The following ANKRD12 variants were observed in gnomAD, a reference collection of about 807,000 sequenced individuals.
ANKRD12 encodes the protein ankyrin repeat domain-containing protein 12.
In ANKRD12, 85 loss-of-function variants were observed where a neutral mutation model predicts 183.4. The observed-to-expected ratio is 0.46, with a 90% CI of 0.39 to 0.56. The LOEUF is 0.56. Among genes scored for constraint, ANKRD12 ranks in the 20% least tolerant of loss-of-function variants. The pLI, the probability that ANKRD12 is intolerant of heterozygous loss-of-function variation, is 0.00. For missense variants in ANKRD12, 2,405 were observed against 2,357.1 expected, an observed-to-expected ratio of 1.02 and a Z score of -0.42; for synonymous variants, 914 against 800.2, an observed-to-expected ratio of 1.14 and a Z score of -2.40.
intron 1 of ANKRD12, among the ~76,000 whole-genome samples, chr18:9,141,689 A>G (rs1444247876): frequency 1.2e-4 from 18 of 152,178 alleles, no homozygotes; most frequent in African/African-American, 4.1e-4. Flanking sequence ...TCTTTGGCCA[A>G]TTCCTTAACA....
At chr18:9,191,284 C>T (rs1328491986) in intron 2 of ANKRD12, among the ~76,000 whole-genome samples, 2 of 152,158 alleles carry the variant, frequency 1.3e-5, no homozygotes, top group African/African-American at 2.4e-5. Context: ...TTTGGTAATA[C>T]AGAAATTTCA....
intron 10 of ANKRD12, among the ~76,000 whole-genome samples, chr18:9,265,771 T>G (rs888074784): frequency 5.9e-5 from 9 of 152,148 alleles, no homozygotes; most frequent in Non-Finnish European, 1.0e-4. Flanking sequence ...GCTGGACGGA[T>G]AATGACTTTT....
At chr18:9,138,532 AC>A in intron 1 of ANKRD12, among the ~76,000 whole-genome samples, 1 of 150,240 alleles carries the variant, frequency 6.7e-6, no homozygotes, top group East Asian at 1.9e-4. Context: ...ACCAAAACAA[AC>A]AAACAAACAA....
At chr18:9,208,841 GT>G (rs762768009) in intron 5 of ANKRD12, 38 bp downstream of exon 5, 6 of 1,456,770 alleles carry the variant, frequency 4.1e-6, no homozygotes, top group Non-Finnish European at 5.5e-6. Context: ...TGTATCCCTA[GT>G]TTTCCTCAGG....
At chr18:9,167,532 G>A (rs1233283865) in intron 1 of ANKRD12, among the ~76,000 whole-genome samples, 1 of 152,156 alleles carries the variant, frequency 6.6e-6, no homozygotes, top group East Asian at 1.9e-4. Context: ...TGTTATTGGT[G>A]TTTAAGAATG....
chr18:9,168,562 G>T (rs937090228), intron 1 of ANKRD12, among the ~76,000 whole-genome samples: 1 of 151,862 alleles, frequency 6.6e-6, no homozygotes, highest in African/African-American at 2.4e-5. Context: ...GATCGGTGGT[G>T]GTATCCCCTT....
chr18:9,196,754 A>C (rs1479703984), intron 3 of ANKRD12, among the ~76,000 whole-genome samples: 2 of 152,186 alleles, frequency 1.3e-5, no homozygotes, highest in African/African-American at 4.8e-5. Context: ...ACATTTTTAA[A>C]CTTTGAAGAT....
intron 10 of ANKRD12, among the ~76,000 whole-genome samples, chr18:9,274,935 C>T (rs1025282422): frequency 2.6e-5 from 4 of 152,030 alleles, no homozygotes; most frequent in Admixed American, 2.0e-4. Flanking sequence ...GTAATCCCAG[C>T]GCTTTGGGAG....
At chr18:9,278,527 G>T (rs534914471) in intron 11 of ANKRD12, among the ~76,000 whole-genome samples, 1 of 152,190 alleles carries the variant, frequency 6.6e-6, no homozygotes, top group African/African-American at 2.4e-5. Flanking sequence ...GGCCAGGCAC[G>T]GTGGCTTACG....
At chr18:9,155,245 A>G (rs1265026741) in intron 1 of ANKRD12, among the ~76,000 whole-genome samples, 1 of 152,244 alleles carries the variant, frequency 6.6e-6, no homozygotes, top group African/African-American at 2.4e-5. Flanking sequence ...ATAGTCAAAA[A>G]TAATTTAATT....
intron 11 of ANKRD12, among the ~76,000 whole-genome samples, chr18:9,277,443 T>C (rs1181337759): frequency 2.0e-5 from 3 of 147,592 alleles, no homozygotes; most frequent in Non-Finnish European, 4.5e-5. Flanking sequence ...TTCTCCTGCC[T>C]CAGCCTCCCG....
intron 2 of ANKRD12, among the ~76,000 whole-genome samples, chr18:9,190,045 A>G (rs1269918738): frequency 6.6e-6 from 1 of 152,250 alleles, no homozygotes; most frequent in African/African-American, 2.4e-5. Flanking sequence ...TCTTGAAAGG[A>G]TTCACCATTT....
At chr18:9,213,572 T>C (rs1350221813) in intron 6 of ANKRD12, among the ~76,000 whole-genome samples, 2 of 151,906 alleles carry the variant, frequency 1.3e-5, no homozygotes, top group Non-Finnish European at 2.9e-5. Context: ...TATAATGACA[T>C]AGGGAATTAT....
chr18:9,162,764 C>G (rs376902227), intron 1 of ANKRD12, among the ~76,000 whole-genome samples: 1 of 151,984 alleles, frequency 6.6e-6, no homozygotes, highest in South Asian at 2.1e-4. Flanking sequence ...GAGATGGTAT[C>G]TCATTGTGGT....
chr18:9,180,490 TTC>T (rs1185892818), intron 1 of ANKRD12, among the ~76,000 whole-genome samples: 2 of 152,180 alleles, frequency 1.3e-5, no homozygotes, highest in Non-Finnish European at 2.9e-5. Context: ...ATTTTGTTCT[TTC>T]TGTTTTTCAT....
intron 1 of ANKRD12, among the ~76,000 whole-genome samples, chr18:9,151,814 T>C (rs1328346560): frequency 6.6e-6 from 1 of 152,240 alleles, no homozygotes; most frequent in Non-Finnish European, 1.5e-5. Flanking sequence ...AAGTGGGTGG[T>C]AAATTTGAAT....
intron 1 of ANKRD12, among the ~76,000 whole-genome samples, chr18:9,171,747 G>A (rs1192239681): frequency 4.6e-5 from 7 of 152,140 alleles, no homozygotes; most frequent in Non-Finnish European, 8.8e-5. Context: ...GAGGCCAGGT[G>A]CGGTGGCTCA....
Position 9,276,806 on chromosome 18 carries a change from G to T in ANKRD12, c.5907+1139G>T, listed in dbSNP as rs555149682. On this transcript the variant is annotated intron_variant, in intron 11 of 12. Transcript: ENST00000262126. Reference sequence around the variant, plus strand: ...GAGGATGCTATTAACATGAATAATTGTGTCTCTTCAGAAAGAACTGTGTGA... The same window carrying T: ...GAGGATGCTATTAACATGAATAATTTTGTCTCTTCAGAAAGAACTGTGTGA... Among the ~76,000 whole-genome samples the T allele has an allele frequency of 1.8e-4, 28 of 152,244 alleles. 1 individual carries two copies. In the South Asian group the frequency reaches 5.6e-3, roughly 30 times the overall value.
chr18:9,154,880 C>T (rs1299433652), intron 1 of ANKRD12, among the ~76,000 whole-genome samples: 2 of 152,052 alleles, frequency 1.3e-5, no homozygotes, highest in Non-Finnish European at 2.9e-5. Context: ...TTGGTTATGC[C>T]TATTAGATAT....
Sources: gnomAD v4.1 joint callset for allele counts (sites outside exome capture counted in the v4.1 genomes callset) on GRCh38, gnomAD v4.1.1 for gene constraint, MANE v1.5 for transcripts, NCBI Gene and HGNC (gene_info 2026-07-23, HGNC 2026-07-21) for gene names.